The following SNTG1 variants were observed in gnomAD, a reference collection of about 807,000 sequenced individuals.
SNTG1 encodes gamma-1-syntrophin.
SNTG1 carries 39 observed loss-of-function variants against 74.7 expected under a neutral mutation model. The observed-to-expected ratio is 0.52, with a 90% confidence interval of 0.40 to 0.68. The LOEUF (loss-of-function observed/expected upper bound fraction) is 0.68. Ranked by LOEUF, SNTG1 falls within the 30% of genes least tolerant of loss-of-function variation. The pLI is 0.00. For missense variants in SNTG1, 685 were observed against 609.5 expected, an observed-to-expected ratio of 1.12 and a Z score of -1.30; for synonymous variants, 254 against 217.1, an observed-to-expected ratio of 1.17 and a Z score of -1.49.
intron 2 of SNTG1, among the ~76,000 whole-genome samples, chr8:50,331,434 G>A (rs2090964514): frequency 3.3e-5 from 5 of 152,148 alleles, no homozygotes; most frequent in South Asian, 2.1e-4. Flanking sequence ...TGAGGAAAAG[G>A]CATGGTATTT....
intron 15 of SNTG1, among the ~76,000 whole-genome samples, chr8:50,685,712 T>A (rs1455291164): frequency 6.6e-6 from 1 of 152,184 alleles, no homozygotes; most frequent in African/African-American, 2.4e-5. Context: ...TTTATACAGC[T>A]ATTTTAAGCT....
intron 2 of SNTG1, among the ~76,000 whole-genome samples, chr8:50,208,802 C>G (rs903174901): frequency 6.6e-6 from 1 of 152,060 alleles, no homozygotes; most frequent in Non-Finnish European, 1.5e-5. Context: ...CAGATAGGAA[C>G]AGCTCCAGTC....
rs1436077158 is a variant in SNTG1, at chr8:50,702,171, G to A, written c.1039-2429G>A. ...CCAGCCTCTTATTTTTTTTATAATG[G>A]CATTTACAATAATTTGTACTAATAT... On this transcript the variant is annotated intron_variant, in intron 15 of 18. Coordinates refer to ENST00000642720, the MANE Select transcript of SNTG1 (RefSeq NM_018967.5). 2.6e-5 allele frequency among the ~76,000 whole-genome samples: 4 copies of A among 151,822 alleles called. No homozygotes were observed. The East Asian group carries it at 5.8e-4, about 22-fold the overall frequency.
At position 50,516,986 on chromosome 8, in the gene SNTG1, A is replaced by T. The variant is rs548939653; in HGVS notation, c.467-13191A>T. Among the ~76,000 whole-genome samples the T allele has an allele frequency of 5.3e-5, 8 of 152,344 alleles. No individual in the cohort carries two copies. In the East Asian group the frequency reaches 1.5e-3, roughly 29 times the overall value. On this transcript the variant is annotated intron_variant, in intron 9 of 18. Transcript: ENST00000642720. ...ATCAAGAAGAGCAATCCCAAGACAC[A>T]TAGTCATCAGATTCAACACGGTTGA...
chr8:50,204,971 G>A (rs954918120), intron 2 of SNTG1, among the ~76,000 whole-genome samples: 2 of 152,126 alleles, frequency 1.3e-5, no homozygotes, highest in African/African-American at 4.8e-5. Context: ...GTCTATCATT[G>A]ATGGACATTT....
At chr8:50,434,151 G>A (rs1238721505) in intron 4 of SNTG1, among the ~76,000 whole-genome samples, 1 of 147,530 alleles carries the variant, frequency 6.8e-6, no homozygotes, top group East Asian at 2.0e-4. Context: ...TTGGTTCTTT[G>A]TCCTTGCCAT....
intron 2 of SNTG1, among the ~76,000 whole-genome samples, chr8:50,368,796 A>T (rs1289878721): frequency 6.6e-6 from 1 of 152,122 alleles, no homozygotes; most frequent in Non-Finnish European, 1.5e-5. Context: ...ATTTAATGAA[A>T]TTGCCCTTGC....
chr8:50,497,151 T>C (rs1031807549), intron 8 of SNTG1, among the ~76,000 whole-genome samples: 3 of 151,980 alleles, frequency 2.0e-5, no homozygotes, highest in African/African-American at 7.2e-5. Flanking sequence ...TATTATTGTT[T>C]AACGTTCTTA....
chr8:50,021,795 G>T (rs534170492), intron 1 of SNTG1, among the ~76,000 whole-genome samples: 24 of 148,800 alleles, frequency 1.6e-4, no homozygotes, highest in African/African-American at 5.8e-4. Context: ...ATAAAAATTA[G>T]CCAGGCATGG....
chr8:50,079,128 C>T lies in SNTG1; in HGVS notation c.-102-93433C>T, dbSNP rs559202568. Among the ~76,000 whole-genome samples the T allele has an allele frequency of 3.9e-5, 6 of 152,266 alleles. No individual in the cohort carries two copies. In the South Asian group the frequency reaches 8.3e-4, roughly 21 times the overall value. ...TTCTGGTTTTAGAACCTTGAGGAATCGCCACACTATGTTCCACAATGGTTG... is the reference window on the plus strand; with the variant it reads ...TTCTGGTTTTAGAACCTTGAGGAATTGCCACACTATGTTCCACAATGGTTG... On this transcript the variant is annotated intron_variant, in intron 1 of 18. Coordinates refer to ENST00000642720, the MANE Select transcript of SNTG1 (RefSeq NM_018967.5).
chr8:50,069,740 T>G (rs1280580344), intron 1 of SNTG1, among the ~76,000 whole-genome samples: 2 of 151,798 alleles, frequency 1.3e-5, no homozygotes, highest in Non-Finnish European at 2.9e-5. Flanking sequence ...GTTGAATCCC[T>G]GGTGTGGATC....
intron 2 of SNTG1, among the ~76,000 whole-genome samples, chr8:50,284,815 CTAGA>C (rs1401020405): frequency 6.6e-6 from 1 of 151,846 alleles, no homozygotes; most frequent in Non-Finnish European, 1.5e-5. Context: ...TTATATCTAT[CTAGA>C]TATATTATCT....
chr8:50,582,724 C>A lies in SNTG1; in HGVS notation c.811-8155C>A, dbSNP rs75342301. Among the ~76,000 whole-genome samples, 617 of 152,114 alleles carry A rather than the reference C, an allele frequency of 4.1e-3. 4 individuals are homozygous for A. Among genetic ancestry groups the A allele is most frequent in the African/African-American group, 0.014 (574 of 41,486 alleles). On this transcript the variant is annotated intron_variant, in intron 12 of 18. Transcript: ENST00000642720. ...CTGGAGGTTCCCATTTAAGCAAATACGATGACCTAGGCTTGGTTTTGAATA... is the reference window on the plus strand; with the variant it reads ...CTGGAGGTTCCCATTTAAGCAAATAAGATGACCTAGGCTTGGTTTTGAATA...
intron 1 of SNTG1, among the ~76,000 whole-genome samples, chr8:50,092,298 C>A (rs1323027735): frequency 1.3e-5 from 2 of 152,126 alleles, no homozygotes; most frequent in African/African-American, 4.8e-5. Flanking sequence ...TTGTGAAAAA[C>A]CTAAATACAT....
chr8:49,951,761 TA>T (rs897414844), intron 1 of SNTG1, among the ~76,000 whole-genome samples: 217 of 141,886 alleles, frequency 1.5e-3, no homozygotes, highest in Admixed American at 1.8e-3. Flanking sequence ...AGTATAATAA[TA>T]AAAAAAAAGC....
At position 50,452,407 on chromosome 8, in the gene SNTG1, G is replaced by C. The variant is rs1289919699; in HGVS notation, c.363+1678G>C. Among the ~76,000 whole-genome samples, 4 of 152,236 alleles carry C rather than the reference G, an allele frequency of 2.6e-5. No individual in the cohort carries two copies. The East Asian group carries it at 7.7e-4, about 29-fold the overall frequency. On this transcript the variant is annotated intron_variant, in intron 8 of 18. Coordinates refer to ENST00000642720, the MANE Select transcript of SNTG1 (RefSeq NM_018967.5). The stretch of plus-strand genomic sequence containing the variant: ...TATAGTCACATAAGCAAAGCTGCTT[G>C]TAACTTGACTCTTTTTTCAAAAGTA...
chr8:50,475,445 T>G (rs1323908267), intron 8 of SNTG1, among the ~76,000 whole-genome samples: 1 of 152,172 alleles, frequency 6.6e-6, no homozygotes, highest in African/African-American at 2.4e-5. Flanking sequence ...AGATTCCAGT[T>G]ATCCTCCTCC....
chr8:50,024,423 C>A (rs1430139002), intron 1 of SNTG1, among the ~76,000 whole-genome samples: 1 of 152,092 alleles, frequency 6.6e-6, no homozygotes, highest in Admixed American at 6.6e-5. Context: ...GACTGGATTT[C>A]TTTTAGGAAA....
intron 2 of SNTG1, among the ~76,000 whole-genome samples, chr8:50,284,223 G>T (rs1042771149): frequency 6.6e-6 from 1 of 151,946 alleles, no homozygotes; most frequent in Non-Finnish European, 1.5e-5. Flanking sequence ...CTTATGAAAT[G>T]ATAAACATTT....
Sources: allele counts gnomAD v4.1 joint callset (sites outside exome capture counted in the v4.1 genomes callset), GRCh38; gene constraint gnomAD v4.1.1; transcripts MANE v1.5; gene names NCBI Gene and HGNC (gene_info 2026-07-23, HGNC 2026-07-21).